Variants in BCL11A observed in about 807,000 individuals in gnomAD.
BCL11A encodes BCL11 transcription factor A, also known as B cell CLL/lymphoma 11A.
In BCL11A, 2 loss-of-function variants were observed where a neutral mutation model predicts 55.9. The observed-to-expected ratio is 0.04, with a 90% CI of 0.01 to 0.11. BCL11A has a LOEUF of 0.11. Among genes scored for constraint, BCL11A ranks in the 10% least tolerant of loss-of-function variants. The pLI, the probability that BCL11A is intolerant of heterozygous loss-of-function variation, is 1.00. For synonymous variants in BCL11A, 465 were observed against 473.4 expected (o/e 0.98, Z 0.23); for missense variants, 817 against 1,137.1 (o/e 0.72, Z 4.05).
Position 60,457,376 on chromosome 2 carries a change from AAT to A in BCL11A, c.*3026_*3027del. On this transcript the variant is annotated 3_prime_UTR_variant, in exon 4 of 4. Coordinates refer to ENST00000642384, the MANE Select transcript of BCL11A (RefSeq NM_022893.4). ...CTTTGGTCATCTAAATAAAAAAAAA[AAT>A]AAAAACAAAGAAAAATAAAAGATCA... The A allele has an allele frequency of 9.8e-7, 1 of 1,024,212 alleles. No individual in the cohort carries two copies. Among genetic ancestry groups the A allele is most frequent in the Non-Finnish European group, 1.2e-6 (1 of 851,144 alleles). 63.4% of individuals were successfully genotyped at this position (1,024,212 alleles called of 1,614,324 possible).
In BCL11A at chr2:60,546,260, G is replaced by A. The variant is rs1461177243; in HGVS notation, c.96C>T (p.Asp32=). 5.0e-6 allele frequency: 8 copies of A among 1,614,086 alleles called. No individual in the cohort carries two copies. Among genetic ancestry groups the A allele is most frequent in the Non-Finnish European group, 6.8e-6 (8 of 1,180,040 alleles). ...LEAILTDDEP[D]HGPLGAPEGD... Reference sequence around the variant, plus strand: ...CTTCTGGAGCTCCCAACGGGCCGTGGTCTGGTTCATCATCTGTAAGAATGG... The same window carrying A: ...CTTCTGGAGCTCCCAACGGGCCGTGATCTGGTTCATCATCTGTAAGAATGG... Residue 32 remains aspartate (D), a synonymous_variant, in exon 2 of 4, where the codon GAC becomes GAT. Coordinates refer to ENST00000642384, the MANE Select transcript of BCL11A (RefSeq NM_022893.4). This position sits in a 1 kb window ranked among gnomAD's most constrained non-coding sequence, Gnocchi z 4.1.
At chr2:60,475,827 C>T (rs1036142596) in intron 2 of BCL11A, among the ~76,000 whole-genome samples, 5 of 152,170 alleles carry the variant, frequency 3.3e-5, no homozygotes, top group Admixed American at 1.3e-4. Context: ...TTCCCACTGC[C>T]ACCACTCCCC....
Position 60,460,418 on chromosome 2 carries a change from T to C in BCL11A, c.2494A>G (p.Ile832Val), listed in dbSNP as rs754806293. 5 of 1,599,696 alleles carry C rather than the reference T, an allele frequency of 3.1e-6. No individual in the cohort carries two copies. In the South Asian group the frequency reaches 5.5e-5, roughly 18 times the overall value. ...WHSDRVLNNDIKTE is the reference protein window; with the variant it reads ...WHSDRVLNNDVKTE ...TTAATATACCTCTATTCAGTTTTTA[T>C]ATCATTATTCAACACTCGATCACTG... The change falls in exon 4 of 4, where the codon ATA becomes GTA. Residue 832 changes from isoleucine to valine, a missense_variant. Around this residue, in one of 4 missense-constraint regions of BCL11A, gnomAD observed 30 missense variants for 116.3 expected, o/e 0.26. Transcript: ENST00000642384.
rs200035192 is a variant in BCL11A at position 60,467,702 on chromosome 2, G to C, written c.487+1030C>G. ...GGTGATGGTGGTGGTGGTGGTGATGGTACTGGTGGTGATGGTACTGGTGGT... is the reference window on the plus strand; with the variant it reads ...GGTGATGGTGGTGGTGGTGGTGATGCTACTGGTGGTGATGGTACTGGTGGT... On this transcript the variant is annotated intron_variant, in intron 3 of 3. Coordinates refer to ENST00000642384, the MANE Select transcript of BCL11A (RefSeq NM_022893.4). 6.3e-3 allele frequency among the ~76,000 whole-genome samples: 302 copies of C among 48,044 alleles called. 1 individual carries two copies. Among genetic ancestry groups the C allele is most frequent in the Middle Eastern group, 0.01 (1 of 100 alleles). 31.5% of individuals were successfully genotyped at this position (48,044 alleles called of 152,430 possible).
chr2:60,490,298 C>T (rs1441725411), intron 2 of BCL11A, among the ~76,000 whole-genome samples: 1 of 152,134 alleles, frequency 6.6e-6, no homozygotes, highest in Non-Finnish European at 1.5e-5. Flanking sequence ...TAGCATGCTG[C>T]CTTTGTCTTC....
rs1676019057 is a variant in BCL11A at position 60,457,884 on chromosome 2, C to G, written c.*2520G>C. On this transcript the variant is annotated 3_prime_UTR_variant, in exon 4 of 4. Transcript: ENST00000642384. ...CTATGACAGCCATCCATGTGACATTCTAGCAGGCTCCCCCAAACCGCCATT... is the reference window on the plus strand; with the variant it reads ...CTATGACAGCCATCCATGTGACATTGTAGCAGGCTCCCCCAAACCGCCATT... 1 of 1,048,904 alleles carries G rather than the reference C, an allele frequency of 9.5e-7. No individual in the cohort carries two copies. The highest frequency in any genetic ancestry group is 1.2e-6 in the Non-Finnish European group (1 of 869,002). The allele number at this position is 1,048,904 out of a possible 1,614,324, so 65.0% of individuals were successfully genotyped here.
chr2:60,502,671 T>C (rs1297235303), intron 2 of BCL11A, among the ~76,000 whole-genome samples: 1 of 152,230 alleles, frequency 6.6e-6, no homozygotes, highest in African/African-American at 2.4e-5. Flanking sequence ...AAACTCTTTG[T>C]GTTGTAATGT....
intron 2 of BCL11A, among the ~76,000 whole-genome samples, chr2:60,538,899 A>C (rs1224225216): frequency 6.6e-6 from 1 of 152,174 alleles, no homozygotes; most frequent in African/African-American, 2.4e-5. Context: ...AAAATTTTAA[A>C]TATTCAAACG....
intron 2 of BCL11A, among the ~76,000 whole-genome samples, chr2:60,521,623 A>G (rs356977): frequency 0.62 from 94,290 of 152,116 alleles, 30,575 homozygotes; most frequent in East Asian, 0.78. Flanking sequence ...CCTCCCTTAA[A>G]GGGAAGGCTG....
Position 60,484,507 on chromosome 2 carries a change from G to A in BCL11A, c.386-15674C>T, listed in dbSNP as rs997989386. The A allele has an allele frequency of 3.9e-5, 6 of 152,136 alleles. No individual in the cohort carries two copies. The East Asian group carries it at 5.8e-4, about 15-fold the overall frequency. 9.4% of individuals were successfully genotyped at this position (152,136 alleles called of 1,614,324 possible). On this transcript the variant is annotated intron_variant, in intron 2 of 3. Transcript: ENST00000642384. Reference sequence around the variant, plus strand: ...GGGAAGTAGGTTTTACAGATAAACCGGGTTGCTTTTCACTGAAACAGCAGT... The same window carrying A: ...GGGAAGTAGGTTTTACAGATAAACCAGGTTGCTTTTCACTGAAACAGCAGT...
intron 2 of BCL11A, chr2:60,545,758 G>A (rs187586733): frequency 3.5e-6 from 2 of 564,464 alleles, no homozygotes; most frequent in Non-Finnish European, 6.3e-6. Context: ...TACCTATCCT[G>A]CCTACATCTG....
At chr2:60,498,853 A>G (rs573457873) in intron 2 of BCL11A, among the ~76,000 whole-genome samples, 74 of 152,094 alleles carry the variant, frequency 4.9e-4, no homozygotes, top group Non-Finnish European at 5.9e-4. Flanking sequence ...TACCTTATAC[A>G]TACATTTGAA....
chr2:60,495,512 A>G (rs1334999118), intron 2 of BCL11A, among the ~76,000 whole-genome samples: 1 of 152,224 alleles, frequency 6.6e-6, no homozygotes. Context: ...TCCTTATCAC[A>G]GGAATAGCAC....
At chr2:60,498,574 C>T (rs904145335) in intron 2 of BCL11A, among the ~76,000 whole-genome samples, 2 of 152,240 alleles carry the variant, frequency 1.3e-5, no homozygotes, top group Non-Finnish European at 2.9e-5. Context: ...ATTTAGCCAC[C>T]TCTGGCACCT....
At chr2:60,530,901 G>A (rs948039806) in intron 2 of BCL11A, among the ~76,000 whole-genome samples, 1 of 152,046 alleles carries the variant, frequency 6.6e-6, no homozygotes, top group Non-Finnish European at 1.5e-5. Flanking sequence ...TTATGTCTGC[G>A]CTTTTCCCTT....
intron 2 of BCL11A, among the ~76,000 whole-genome samples, chr2:60,517,026 T>C (rs1457504095): frequency 1.3e-5 from 2 of 152,192 alleles, no homozygotes; most frequent in African/African-American, 4.8e-5. Context: ...ATATGAAGCA[T>C]TTCAGCCCAA....
chr2:60,490,542 A>G lies in BCL11A; in HGVS notation c.386-21709T>C, dbSNP rs564112040. Among the ~76,000 whole-genome samples the G allele has an allele frequency of 2.4e-3, 370 of 152,254 alleles. 2 individuals are homozygous for G. The highest frequency in any genetic ancestry group is 7.5e-3 in the African/African-American group (311 of 41,550). On this transcript the variant is annotated intron_variant, in intron 2 of 3. Transcript: ENST00000642384. ...ATCCTGCTCATACTTCAAGGCCTCA[A>G]TGAAGGTCTACCTAGTCACCTTAGC...
At chr2:60,493,085 A>G (rs1678738926) in intron 2 of BCL11A, among the ~76,000 whole-genome samples, 1 of 152,088 alleles carries the variant, frequency 6.6e-6, no homozygotes, top group African/African-American at 2.4e-5. Flanking sequence ...CTCATACAGG[A>G]TATCGTCTTT....
At chr2:60,504,605 C>T (rs1425264036) in intron 2 of BCL11A, among the ~76,000 whole-genome samples, 1 of 152,192 alleles carries the variant, frequency 6.6e-6, no homozygotes, top group African/African-American at 2.4e-5. Context: ...AAACAGCCAA[C>T]TCTGTCTCTG....
Sources: allele counts gnomAD v4.1 joint callset (sites outside exome capture counted in the v4.1 genomes callset), GRCh38; gene constraint gnomAD v4.1.1; regional missense constraint gnomAD v4.1.1; non-coding constraint Gnocchi (gnomAD v3.1); transcripts MANE v1.5; gene names NCBI Gene and HGNC (gene_info 2026-07-23, HGNC 2026-07-21).